CDKL5: variants seen among roughly 807,000 people sequenced by gnomAD.
CDKL5 encodes cyclin-dependent kinase-like 5.
Under a neutral mutation model 61.7 loss-of-function variants are expected in CDKL5, and 8 were observed. The observed-to-expected ratio is 0.13, with a 90% confidence interval of 0.08 to 0.23. CDKL5 has a LOEUF of 0.23. Ranked by LOEUF, CDKL5 falls within the 10% of genes least tolerant of loss-of-function variation. The probability of loss-of-function intolerance (pLI) is 1.00; values close to 1 mark genes in which losing one functional copy is unlikely to be tolerated. For synonymous variants in CDKL5, 275 were observed against 272.3 expected (o/e 1.01, Z -0.10); for missense variants, 440 against 734.5 (o/e 0.60, Z 4.63).
Position 18,584,254 on chromosome X carries a change from A to C in CDKL5, c.464-9A>C. On this transcript the variant is annotated splice_polypyrimidine_tract_variant and intron_variant, in intron 7 of 17. Coordinates refer to ENST00000623535, the MANE Select transcript of CDKL5 (RefSeq NM_001323289.2). ...CAAAGTTACAACTTTGGACTTTGCT[A>C]TCTTTCAGGTTTTGCTCGTAATCTG... 8.6e-7 allele frequency: 1 copy of C among 1,165,782 alleles called. No individual in the cohort carries two copies. The highest frequency in any genetic ancestry group is 1.2e-6 in the Non-Finnish European group (1 of 853,602).
Position 18,579,835 on chromosome X carries a change from A to G in CDKL5, c.283-13A>G, listed in dbSNP as rs587783404. On this transcript the variant is annotated splice_polypyrimidine_tract_variant and intron_variant, in intron 5 of 17. Coordinates refer to ENST00000623535, the MANE Select transcript of CDKL5 (RefSeq NM_001323289.2). ...ACCTAATTTGGGAAATAATGACTCT[A>G]TTTAATTTTTAGAATATGCTCGAAT... The G allele has an allele frequency of 2.5e-5, 30 of 1,202,435 alleles. No homozygotes were observed. The Admixed American group carries it at 3.1e-4, about 12-fold the overall frequency.
Position 18,613,132 on chromosome X carries a change from C to CTTACTT in CDKL5, c.2153-17_2153-12dup. On this transcript the variant is annotated intron_variant, in intron 14 of 17. Transcript: ENST00000623535. The stretch of plus-strand genomic sequence containing the variant: ...AAAAAAAAGAAAAGTCCATCAGTGA[C>CTTACTT]TTACTTTTTCTTTATTCAGTGCCAT... The CTTACTT allele has an allele frequency of 1.2e-6, 1 of 856,849 alleles. No homozygotes were observed. Among genetic ancestry groups the CTTACTT allele is most frequent in the Non-Finnish European group, 1.7e-6 (1 of 604,434 alleles). 70.6% of individuals were successfully genotyped at this position (856,849 alleles called of 1,213,427 possible).
intron 3 of CDKL5, among the ~76,000 whole-genome samples, chrX:18,556,763 A>G (rs1052481596): frequency 4.6e-5 from 5 of 109,178 alleles, no homozygotes; most frequent in African/African-American, 1.7e-4. Context: ...TGTGCCTACA[A>G]TCCCAACTAC....
intron 21 of CDKL5, among the ~76,000 whole-genome samples, chrX:18,651,531 C>T (rs1258848316): frequency 6.3e-5 from 7 of 111,029 alleles, no homozygotes; most frequent in Non-Finnish European, 1.3e-4. Flanking sequence ...GCTCTGGGCA[C>T]GCTCAGAAAA....
At chrX:18,516,291 T>G (rs1387895863) in intron 3 of CDKL5, among the ~76,000 whole-genome samples, 8 of 108,409 alleles carry the variant, frequency 7.4e-5, no homozygotes, top group African/African-American at 2.7e-4. Context: ...TACGTTTTTT[T>G]TTTTTTTTTT....
At chrX:18,444,802 C>T (rs1412129327) in intron 1 of CDKL5, among the ~76,000 whole-genome samples, 3 of 112,098 alleles carry the variant, frequency 2.7e-5, no homozygotes, top group Admixed American at 9.5e-5. Context: ...TGAAATCTCC[C>T]ATTTGGCTTC....
At chrX:18,650,599 A>G (rs1057408898) in intron 21 of CDKL5, 11 of 1,211,028 alleles carry the variant, frequency 9.1e-6, no homozygotes, top group South Asian at 3.5e-5. Flanking sequence ...TCCGGTAAGC[A>G]GAGACTCTAG....
At chrX:18,494,505 C>T (rs1054797365) in intron 1 of CDKL5, among the ~76,000 whole-genome samples, 1 of 111,960 alleles carries the variant, frequency 8.9e-6, no homozygotes, top group African/African-American at 3.2e-5. Flanking sequence ...GTGATCCACC[C>T]GCCTTGGCCT....
In CDKL5 at chrX:18,595,403, A is replaced by G. The variant is rs794726990; in HGVS notation, c.800A>G (p.Asn267Ser). 1 of 1,186,579 alleles carries G rather than the reference A, an allele frequency of 8.4e-7. No individual in the cohort carries two copies. Among genetic ancestry groups the G allele is most frequent in the Non-Finnish European group, 1.1e-6 (1 of 872,757 alleles). Reference protein sequence around the residue: ...SLERRYLGILNSVLLDLMKNL... With the variant: ...SLERRYLGILSSVLLDLMKNL... The stretch of plus-strand genomic sequence containing the variant: ...GAAAGAAGATACCTTGGAATTTTGA[A>G]TAGTGTTCTACTTGACCTAATGAAG... Residue 267 changes from asparagine to serine, a missense_variant, in exon 10 of 18, where the codon AAT becomes AGT. By Grantham distance (46) the Asn-to-Ser change is conservative. This residue lies in a region of CDKL5 where 77 missense variants were observed against 218.2 expected (regional missense o/e 0.35). Transcript: ENST00000623535.
intron 3 of CDKL5, among the ~76,000 whole-genome samples, chrX:18,527,818 G>T (rs1242698477): frequency 1.8e-5 from 2 of 111,378 alleles, no homozygotes; most frequent in African/African-American, 6.5e-5. Flanking sequence ...TTTTACGTCT[G>T]TTTTCTAATA....
chrX:18,522,698 G>T (rs1350063351), intron 3 of CDKL5, among the ~76,000 whole-genome samples: 2 of 107,738 alleles, frequency 1.9e-5, no homozygotes, highest in Non-Finnish European at 3.8e-5. Flanking sequence ...ATTTTTTAAA[G>T]ATTTTTTTAA....
At chrX:18,595,472 G>A (rs978491335) in intron 10 of CDKL5, 44 bp downstream of exon 10, 4 of 901,179 alleles carry the variant, frequency 4.4e-6, no homozygotes, top group Non-Finnish European at 6.5e-6. Flanking sequence ...CTTTTGGTTT[G>A]TGGATTCTTT....
At chrX:18,539,974 C>T (rs919953928) in intron 3 of CDKL5, among the ~76,000 whole-genome samples, 4 of 112,020 alleles carry the variant, frequency 3.6e-5, no homozygotes, top group Non-Finnish European at 7.5e-5. Context: ...ATTTCTTCTA[C>T]GTACATTGAG....
chrX:18,590,830 A>G (rs1208062769), intron 9 of CDKL5, among the ~76,000 whole-genome samples: 1 of 111,815 alleles, frequency 8.9e-6, no homozygotes, highest in Non-Finnish European at 1.9e-5. Flanking sequence ...TTATACTCAG[A>G]AATAAAGTTA....
At chrX:18,558,964 G>A (rs1260459196) in intron 3 of CDKL5, among the ~76,000 whole-genome samples, 1 of 112,545 alleles carries the variant, frequency 8.9e-6, no homozygotes, top group East Asian at 2.8e-4. Flanking sequence ...TGGAAATGTG[G>A]TCTCCAGAAT....
chrX:18,437,802 A>G (rs909875048), intron 1 of CDKL5, among the ~76,000 whole-genome samples: 3 of 112,125 alleles, frequency 2.7e-5, no homozygotes, highest in African/African-American at 9.7e-5. Flanking sequence ...TTCTCCGACA[A>G]TAAATGCCCC....
chrX:18,447,924 C>G (rs1282165225), intron 1 of CDKL5, among the ~76,000 whole-genome samples: 1 of 109,920 alleles, frequency 9.1e-6, no homozygotes, highest in African/African-American at 3.3e-5. Context: ...CTCACTGTAT[C>G]CTCACCCTGT....
At chrX:18,503,392 C>G (rs889591056) in intron 1 of CDKL5, among the ~76,000 whole-genome samples, 8 of 111,888 alleles carry the variant, frequency 7.2e-5, no homozygotes, top group Non-Finnish European at 1.5e-4. Context: ...CCATGTTGCC[C>G]AGTCTGGTCT....
intron 5 of CDKL5, among the ~76,000 whole-genome samples, chrX:18,578,924 C>G (rs1399226174): frequency 1.8e-5 from 2 of 112,333 alleles, no homozygotes; most frequent in Non-Finnish European, 3.8e-5. Context: ...ATTAAAGAAT[C>G]CAATGCCTTG....
Sources: allele counts gnomAD v4.1 joint callset (sites outside exome capture counted in the v4.1 genomes callset), GRCh38; gene constraint gnomAD v4.1.1; regional missense constraint gnomAD v4.1.1; transcripts MANE v1.5; gene names NCBI Gene and HGNC (gene_info 2026-07-23, HGNC 2026-07-21).